Variants in PARD3B observed in about 807,000 individuals in gnomAD.
PARD3B encodes par-3 family cell polarity regulator beta, also known as partitioning defective 3 homolog B.
A neutral mutation model predicts 130.2 loss-of-function variants in PARD3B; 103 were observed. The observed-to-expected ratio is 0.79, with a 90% CI of 0.67 to 0.93. The LOEUF is 0.93. Among genes scored for constraint, PARD3B ranks in the 40% least tolerant of loss-of-function variants. PARD3B has a pLI of 0.00. For synonymous variants in PARD3B, 583 were observed against 553.2 expected (o/e 1.05, Z -0.76); for missense variants, 1,609 against 1,499.2 (o/e 1.07, Z -1.21).
At chr2:204,625,573 T>G (rs1055121251) in intron 1 of PARD3B, among the ~76,000 whole-genome samples, 3 of 152,178 alleles carry the variant, frequency 2.0e-5, no homozygotes, top group African/African-American at 4.8e-5. Flanking sequence ...TGATTTCAGA[T>G]CTCTCTCCTG....
chr2:205,341,503 A>G lies in PARD3B; in HGVS notation c.2630+39802A>G, dbSNP rs1387145232. ...ATAAGTCAGGCACAGAAAGATAAATACTGCATGTTCTTATGTATATGTAGA... is the reference window on the plus strand; with the variant it reads ...ATAAGTCAGGCACAGAAAGATAAATGCTGCATGTTCTTATGTATATGTAGA... On this transcript the variant is annotated intron_variant, in intron 18 of 22. Coordinates refer to ENST00000406610, the MANE Select transcript of PARD3B (RefSeq NM_001302769.2). The surrounding 1 kb of genome is among the most constrained non-coding windows in gnomAD (Gnocchi z 4.3). 6.6e-6 allele frequency among the ~76,000 whole-genome samples: 1 copy of G among 152,088 alleles called. No homozygotes were observed. Among genetic ancestry groups the G allele is most frequent in the Non-Finnish European group, 1.5e-5 (1 of 67,990 alleles).
chr2:205,266,295 G>A (rs926542692), intron 16 of PARD3B, among the ~76,000 whole-genome samples: 1 of 152,042 alleles, frequency 6.6e-6, no homozygotes, highest in Non-Finnish European at 1.5e-5. Flanking sequence ...GAAGTAAAGT[G>A]AACATTATTT....
rs2125683845 is a variant in PARD3B at position 205,146,067 on chromosome 2, C to T, written c.1435-12655C>T. 6.6e-6 allele frequency among the ~76,000 whole-genome samples: 1 copy of T among 152,298 alleles called. No homozygotes were observed. The highest frequency in any genetic ancestry group is 2.4e-5 in the African/African-American group (1 of 41,578). On this transcript the variant is annotated intron_variant, in intron 10 of 22. Transcript: ENST00000406610. The surrounding 1 kb of genome is among the most constrained non-coding windows in gnomAD (Gnocchi z 4.3). ...ATTGACTGTCCATAGCGAAGGGCAC[C>T]TGCACATCAGTCGGTGCCACCCTTG...
intron 16 of PARD3B, among the ~76,000 whole-genome samples, chr2:205,247,654 C>T (rs978872102): frequency 3.9e-5 from 6 of 152,044 alleles, no homozygotes; most frequent in South Asian, 2.1e-4. Flanking sequence ...GCTATTATAA[C>T]GTTATTACTA....
chr2:205,348,381 A>G lies in PARD3B; in HGVS notation c.2630+46680A>G, dbSNP rs113216071. Reference sequence around the variant, plus strand: ...CAACATGTGCAAAATCCATTCTTCTATACCAAAGTCACACACTCACGGAAG... The same window carrying G: ...CAACATGTGCAAAATCCATTCTTCTGTACCAAAGTCACACACTCACGGAAG... On this transcript the variant is annotated intron_variant, in intron 18 of 22. Coordinates refer to ENST00000406610, the MANE Select transcript of PARD3B (RefSeq NM_001302769.2). Among the ~76,000 whole-genome samples the G allele has an allele frequency of 1.7e-4, 26 of 152,346 alleles. 1 individual carries two copies. Among genetic ancestry groups the G allele is most frequent in the African/African-American group, 6.3e-4 (26 of 41,584 alleles).
At chr2:205,090,138 T>C (rs951264019) in intron 4 of PARD3B, among the ~76,000 whole-genome samples, 2 of 152,212 alleles carry the variant, frequency 1.3e-5, no homozygotes, top group Non-Finnish European at 2.9e-5. Context: ...GCATGTGCTT[T>C]TCTGTGCAAC....
chr2:204,737,404 A>G (rs77079523), intron 2 of PARD3B, among the ~76,000 whole-genome samples: 2,113 of 152,116 alleles, frequency 0.014, 23 homozygotes, highest in African/African-American at 0.027. Context: ...AGAAATGTCT[A>G]TGTCTTTTGC....
Position 205,276,778 on chromosome 2 carries a change from G to T in PARD3B, c.2186-23752G>T, listed in dbSNP as rs1181794768. 6.6e-6 allele frequency among the ~76,000 whole-genome samples: 1 copy of T among 152,212 alleles called. No individual in the cohort carries two copies. Among genetic ancestry groups the T allele is most frequent in the Non-Finnish European group, 1.5e-5 (1 of 68,054 alleles). ...TCCTGCTAGAGAGACCTATAGATTGGTGGTTAACCACATGGATATTGCTGT... is the reference window on the plus strand; with the variant it reads ...TCCTGCTAGAGAGACCTATAGATTGTTGGTTAACCACATGGATATTGCTGT... On this transcript the variant is annotated intron_variant, in intron 16 of 22. Coordinates refer to ENST00000406610, the MANE Select transcript of PARD3B (RefSeq NM_001302769.2). This position sits in a 1 kb window ranked among gnomAD's most constrained non-coding sequence, Gnocchi z 5.0.
chr2:204,702,079 C>CT, intron 2 of PARD3B, among the ~76,000 whole-genome samples: 1 of 152,194 alleles, frequency 6.6e-6, no homozygotes, highest in East Asian at 1.9e-4. Flanking sequence ...TGATTTTATT[C>CT]TTTTTTATGG....
intron 1 of PARD3B, among the ~76,000 whole-genome samples, chr2:204,621,090 T>C (rs975101378): frequency 6.6e-6 from 1 of 152,198 alleles, no homozygotes; most frequent in Non-Finnish European, 1.5e-5. Flanking sequence ...TTGAAAGGAA[T>C]TCTAACTTCA....
chr2:205,579,803 T>C (rs78622761), intron 22 of PARD3B, among the ~76,000 whole-genome samples: 2,454 of 152,320 alleles, frequency 0.016, 75 homozygotes, highest in African/African-American at 0.056. Flanking sequence ...ACAGCACAGA[T>C]AATTTTCTGC....
intron 19 of PARD3B, among the ~76,000 whole-genome samples, chr2:205,404,801 A>G (rs1198223240): frequency 2.0e-5 from 3 of 152,158 alleles, no homozygotes; most frequent in Admixed American, 1.3e-4. Flanking sequence ...GGCAGGAGCC[A>G]CCATGCCCAG....
At position 204,562,209 on chromosome 2, in the gene PARD3B, C is replaced by T. The variant is rs146880233; in HGVS notation, c.120+16090C>T. 3.3e-5 allele frequency among the ~76,000 whole-genome samples: 5 copies of T among 152,186 alleles called. No homozygotes were observed. The East Asian group carries it at 9.7e-4, about 29-fold the overall frequency. On this transcript the variant is annotated intron_variant, in intron 1 of 22. Coordinates refer to ENST00000406610, the MANE Select transcript of PARD3B (RefSeq NM_001302769.2). ...TAGTTGGGGTGTGCTAAATTGATTT[C>T]ACTAATGGGTTAGGGCCCATAGTAA...
At chr2:205,302,883 A>G (rs2042061561) in intron 18 of PARD3B, among the ~76,000 whole-genome samples, 1 of 152,170 alleles carries the variant, frequency 6.6e-6, no homozygotes, top group African/African-American at 2.4e-5. Flanking sequence ...AGGCCAGCAT[A>G]CTTGCTCTAC....
chr2:205,163,827 T>C (rs2034648171), intron 11 of PARD3B, among the ~76,000 whole-genome samples: 4 of 152,206 alleles, frequency 2.6e-5, no homozygotes, highest in African/African-American at 9.7e-5. Flanking sequence ...AGGGACAGCT[T>C]TTTAAGGAAA....
intron 4 of PARD3B, among the ~76,000 whole-genome samples, chr2:205,066,284 G>T (rs543405909): frequency 3.2e-4 from 48 of 152,194 alleles, no homozygotes; most frequent in African/African-American, 1.1e-3. Flanking sequence ...ACATTTGGTC[G>T]CATGGTTAAC....
intron 22 of PARD3B, among the ~76,000 whole-genome samples, chr2:205,593,318 G>A (rs543108329): frequency 1.1e-4 from 16 of 152,306 alleles, no homozygotes; most frequent in African/African-American, 3.9e-4. Flanking sequence ...TTAAATGGTG[G>A]TGATGAAGGT....
intron 2 of PARD3B, among the ~76,000 whole-genome samples, chr2:204,798,900 G>A (rs1292544551): frequency 6.6e-6 from 1 of 152,084 alleles, no homozygotes; most frequent in Non-Finnish European, 1.5e-5. Flanking sequence ...CTTGCCATGG[G>A]CCTTGGTTGA....
At chr2:205,289,713 T>C (rs2041531275) in intron 16 of PARD3B, among the ~76,000 whole-genome samples, 1 of 152,110 alleles carries the variant, frequency 6.6e-6, no homozygotes, top group African/African-American at 2.4e-5. Context: ...CATTCATAAA[T>C]TAGTGGATTA....
Sources: gnomAD v4.1 joint callset for allele counts (sites outside exome capture counted in the v4.1 genomes callset) on GRCh38, gnomAD v4.1.1 for gene constraint, Gnocchi (gnomAD v3.1) non-coding constraint, MANE v1.5 for transcripts, NCBI Gene and HGNC (gene_info 2026-07-23, HGNC 2026-07-21) for gene names.